EIPR1: variants seen among roughly 807,000 people sequenced by gnomAD.
EIPR1 encodes EARP complex and GARP complex interacting protein 1.
In EIPR1, 25 loss-of-function variants were observed where a neutral mutation model predicts 48.1. The ratio of observed to expected loss-of-function variants is 0.52; its 90% CI spans 0.38 to 0.73. The LOEUF (loss-of-function observed/expected upper bound fraction) is 0.73. Among genes scored for constraint, EIPR1 ranks in the 30% least tolerant of loss-of-function variants. EIPR1 has a pLI of 0.00. For synonymous variants in EIPR1, 204 were observed against 201.9 expected (o/e 1.01, Z -0.09); for missense variants, 415 against 506.2 (o/e 0.82, Z 1.73).
At chr2:3,229,711 A>C (rs1397619434) in intron 4 of EIPR1, among the ~76,000 whole-genome samples, 3 of 152,188 alleles carry the variant, frequency 2.0e-5, no homozygotes, top group Non-Finnish European at 4.4e-5. Flanking sequence ...TTCAATACAC[A>C]ATTAGGATCT....
Position 3,364,645 on chromosome 2 carries a change from A to G in EIPR1, c.43-10012T>C, listed in dbSNP as rs185297468. Among the ~76,000 whole-genome samples the G allele has an allele frequency of 3.9e-5, 6 of 152,118 alleles. No homozygotes were observed. In the East Asian group the frequency reaches 7.7e-4, roughly 20 times the overall value. ...GTGAGACCCTCCCTGTCTCAAAAAAAAAAGAAAGAAAAAAAAAAAGAATGA... is the reference window on the plus strand; with the variant it reads ...GTGAGACCCTCCCTGTCTCAAAAAAGAAAGAAAGAAAAAAAAAAAGAATGA... On this transcript the variant is annotated intron_variant, in intron 1 of 8. Transcript: ENST00000382125.
chr2:3,333,749 CAAAAAA>C (rs769152280), intron 3 of EIPR1, among the ~76,000 whole-genome samples: 2 of 72,396 alleles, frequency 2.8e-5, no homozygotes, highest in Non-Finnish European at 2.8e-5. Context: ...ACCCTACCTC[CAAAAAA>C]AAAAAAAAAA....
rs1659956955 is a variant in EIPR1, at chr2:3,377,761, T to G, written c.-72A>C. ...TCGCTACGGCCGGCGCGTCCCCACC[T>G]CGCGGGCGTGTTCCCAGCGCCCATT... On this transcript the variant is annotated 5_prime_UTR_variant, in exon 1 of 9. Coordinates refer to ENST00000382125, the MANE Select transcript of EIPR1 (RefSeq NM_003310.5). 1 of 1,497,248 alleles carries G rather than the reference T, an allele frequency of 6.7e-7. No individual in the cohort carries two copies. Among genetic ancestry groups the G allele is most frequent in the East Asian group, 2.6e-5 (1 of 38,200 alleles). 92.7% of individuals were successfully genotyped at this position (1,497,248 alleles called of 1,614,324 possible).
chr2:3,279,550 C>T (rs1441087621), intron 3 of EIPR1, among the ~76,000 whole-genome samples: 1 of 152,128 alleles, frequency 6.6e-6, no homozygotes. Flanking sequence ...AAAATGTAGA[C>T]AGATACCAAT....
At chr2:3,256,279 T>TC (rs1667152088) in intron 4 of EIPR1, among the ~76,000 whole-genome samples, 1 of 152,160 alleles carries the variant, frequency 6.6e-6, no homozygotes, top group Non-Finnish European at 1.5e-5. Context: ...AGCGAATCCC[T>TC]CTTCAATTCC....
At chr2:3,201,931 T>C (rs1296005271) in intron 5 of EIPR1, among the ~76,000 whole-genome samples, 2 of 152,268 alleles carry the variant, frequency 1.3e-5, no homozygotes, top group African/African-American at 2.4e-5. Context: ...TTTTATTTTA[T>C]TTTTTATTAT....
At chr2:3,314,849 G>C (rs1329067612) in intron 3 of EIPR1, among the ~76,000 whole-genome samples, 1 of 151,858 alleles carries the variant, frequency 6.6e-6, no homozygotes, top group African/African-American at 2.4e-5. Context: ...ACCTAGGCCT[G>C]AGTTGTGCCC....
intron 3 of EIPR1, among the ~76,000 whole-genome samples, chr2:3,310,652 C>G (rs1441651582): frequency 3.6e-5 from 2 of 55,296 alleles, no homozygotes; most frequent in East Asian, 4.0e-4. Context: ...GACTCCGTCT[C>G]AAAAAAAAAA....
chr2:3,218,038 A>T (rs1665699126), intron 4 of EIPR1, among the ~76,000 whole-genome samples: 1 of 151,506 alleles, frequency 6.6e-6, no homozygotes, highest in South Asian at 2.1e-4. Context: ...GCCCTGGTAC[A>T]CTCTAGAGCA....
intron 4 of EIPR1, 72 bp downstream of exon 4, chr2:3,257,227 A>T: frequency 6.7e-7 from 1 of 1,501,832 alleles, no homozygotes; most frequent in Non-Finnish European, 9.0e-7. Context: ...CCTGCAAAGG[A>T]ATCTGCACAA....
chr2:3,224,208 C>G (rs922769315), intron 4 of EIPR1, among the ~76,000 whole-genome samples: 16 of 152,220 alleles, frequency 1.1e-4, no homozygotes, highest in Admixed American at 9.8e-4. Context: ...TGCCGTTTTC[C>G]ATCATTAAAA....
intron 4 of EIPR1, among the ~76,000 whole-genome samples, chr2:3,239,357 G>A (rs921663032): frequency 2.6e-5 from 4 of 152,330 alleles, no homozygotes; most frequent in South Asian, 2.1e-4. Flanking sequence ...CAGGAAATAC[G>A]GCTGGGGAAT....
intron 2 of EIPR1, among the ~76,000 whole-genome samples, chr2:3,354,190 C>T (rs1333258851): frequency 6.6e-6 from 1 of 152,152 alleles, no homozygotes; most frequent in African/African-American, 2.4e-5. Context: ...CCCACACTCA[C>T]CTAGAAAGAG....
intron 3 of EIPR1, among the ~76,000 whole-genome samples, chr2:3,323,246 G>A (rs1010499218): frequency 1.3e-5 from 2 of 152,126 alleles, no homozygotes; most frequent in East Asian, 1.9e-4. Flanking sequence ...GGCTCAAGAC[G>A]TGGAATCCCC....
chr2:3,337,484 C>T (rs539998235), intron 3 of EIPR1, among the ~76,000 whole-genome samples: 1 of 152,252 alleles, frequency 6.6e-6, no homozygotes, highest in Non-Finnish European at 1.5e-5. Context: ...ACAAGGAGAA[C>T]TGGGGAAGAG....
chr2:3,224,353 C>A (rs1050697162), intron 4 of EIPR1, among the ~76,000 whole-genome samples: 2 of 152,218 alleles, frequency 1.3e-5, no homozygotes, highest in African/African-American at 2.4e-5. Context: ...TCCTACCATG[C>A]GCCCGGCTTT....
chr2:3,353,541 A>G (rs1008565201), intron 2 of EIPR1, among the ~76,000 whole-genome samples: 3 of 152,218 alleles, frequency 2.0e-5, no homozygotes, highest in Admixed American at 1.3e-4. Flanking sequence ...TACAAGTGGC[A>G]ATTTCATATT....
chr2:3,352,725 A>G (rs1485162199), intron 2 of EIPR1, among the ~76,000 whole-genome samples: 4 of 152,244 alleles, frequency 2.6e-5, no homozygotes, highest in African/African-American at 4.8e-5. Context: ...GGCTGGGCGC[A>G]GTGGCTCACG....
At chr2:3,217,754 C>T (rs1182983343) in intron 4 of EIPR1, among the ~76,000 whole-genome samples, 1 of 152,240 alleles carries the variant, frequency 6.6e-6, no homozygotes. Context: ...AAGGCTGCAA[C>T]CAGCAAGACC....
Sources: allele counts gnomAD v4.1 joint callset (sites outside exome capture counted in the v4.1 genomes callset), GRCh38; gene constraint gnomAD v4.1.1; transcripts MANE v1.5; gene names NCBI Gene and HGNC (gene_info 2026-07-23, HGNC 2026-07-21).